The following CASQ2 variants were observed in gnomAD, a reference collection of about 807,000 sequenced individuals.
The protein encoded by CASQ2 is calsequestrin 2, also known as calsequestrin-2.
CASQ2 carries 49 observed loss-of-function variants against 46.5 expected under a neutral mutation model. The ratio of observed to expected loss-of-function variants is 1.05; its 90% CI spans 0.84 to 1.34. The LOEUF (loss-of-function observed/expected upper bound fraction) is 1.34. Ranked by LOEUF, CASQ2 falls within the 40% of genes most tolerant of loss-of-function variation. The pLI is 0.00. For missense variants in CASQ2, 486 were observed against 481.3 expected, an observed-to-expected ratio of 1.01 and a Z score of -0.09; for synonymous variants, 174 against 168.5, an observed-to-expected ratio of 1.03 and a Z score of -0.25.
chr1:115,755,040 C>T (rs1648712322), intron 1 of CASQ2, among the ~76,000 whole-genome samples: 1 of 152,222 alleles, frequency 6.6e-6, no homozygotes, highest in African/African-American at 2.4e-5. Flanking sequence ...CTGAGGCTGC[C>T]AGTCTCGGGC....
At chr1:115,707,245 G>A (rs1654394826) in intron 8 of CASQ2, among the ~76,000 whole-genome samples, 1 of 152,084 alleles carries the variant, frequency 6.6e-6, no homozygotes, top group African/African-American at 2.4e-5. Context: ...GCCCAGGTTG[G>A]TTTTGAACTC....
rs542634180 is a variant in CASQ2 at position 115,727,554 on chromosome 1, G to A, written c.607-432C>T. ...TTGATGGAGATCCTTAAGGCATATA[G>A]GTACTCAGAATCAGAACCCAACCCA... On this transcript the variant is annotated intron_variant, in intron 5 of 10. Coordinates refer to ENST00000261448, the MANE Select transcript of CASQ2 (RefSeq NM_001232.4). Among the ~76,000 whole-genome samples the A allele has an allele frequency of 3.9e-5, 6 of 152,322 alleles. No homozygotes were observed. In the East Asian group the frequency reaches 9.6e-4, roughly 24 times the overall value.
intron 1 of CASQ2, among the ~76,000 whole-genome samples, chr1:115,761,070 T>C (rs1648917347): frequency 6.6e-6 from 1 of 151,932 alleles, no homozygotes; most frequent in Non-Finnish European, 1.5e-5. Flanking sequence ...TAGGTCAGTG[T>C]AAAGAGGTGA....
At chr1:115,712,731 C>T (rs1187209008) in intron 8 of CASQ2, among the ~76,000 whole-genome samples, 2 of 151,890 alleles carry the variant, frequency 1.3e-5, no homozygotes, top group Admixed American at 1.3e-4. Context: ...TGGCCCATGC[C>T]TCTAATCCCA....
intron 6 of CASQ2, 60 bp from the exon 7 acceptor site, chr1:115,725,613 C>T (rs1647558137): frequency 1.2e-5 from 19 of 1,553,870 alleles, no homozygotes; most frequent in Non-Finnish European, 1.6e-5. Flanking sequence ...ATCACTGTGG[C>T]AGACACAGCA....
intron 1 of CASQ2, among the ~76,000 whole-genome samples, chr1:115,764,426 C>T (rs1312261909): frequency 6.6e-6 from 1 of 152,034 alleles, no homozygotes; most frequent in African/African-American, 2.4e-5. Flanking sequence ...AGAAATCTAC[C>T]AGAACATTAT....
intron 8 of CASQ2, among the ~76,000 whole-genome samples, chr1:115,717,071 C>T (rs994482856): frequency 6.6e-6 from 1 of 152,164 alleles, no homozygotes; most frequent in Non-Finnish European, 1.5e-5. Flanking sequence ...CCACCTTGGT[C>T]CTGCTCCTGC....
rs146664754 is a variant in CASQ2 at position 115,732,940 on chromosome 1, G to C, written c.567C>G (p.Phe189Leu). Reference sequence around the variant, plus strand: ...TGGCAAAGAATTTGATGTAAGGCTGGAAGTGTTCAGCTGCTTCTTCAAAAG... The same window carrying C: ...TGGCAAAGAATTTGATGTAAGGCTGCAAGTGTTCAGCTGCTTCTTCAAAAG... ...YKAFEEAAEH[F>L]QPYIKFFATF... Residue 189 changes from phenylalanine (F) to leucine (L), a missense_variant, in exon 5 of 11, where the codon TTC becomes TTG. Phe to Leu is a conservative substitution (Grantham distance 22). Coordinates refer to ENST00000261448, the MANE Select transcript of CASQ2 (RefSeq NM_001232.4). 7.5e-4 allele frequency: 1,213 copies of C among 1,613,870 alleles called. 3 individuals carry two copies. Among genetic ancestry groups the C allele is most frequent in the Middle Eastern group, 1.7e-3 (10 of 6,060 alleles).
rs1654666433 is a variant in CASQ2, at chr1:115,715,300, G to A, written c.838+2540C>T. 3.3e-5 allele frequency among the ~76,000 whole-genome samples: 5 copies of A among 152,218 alleles called. No individual in the cohort carries two copies. The South Asian group carries it at 1.0e-3, about 31-fold the overall frequency. ...GAGGTGGAGACAAGGGCTAGATCATGTTGAAAAGTGAAAAAGACAAGAGAG... is the reference window on the plus strand; with the variant it reads ...GAGGTGGAGACAAGGGCTAGATCATATTGAAAAGTGAAAAAGACAAGAGAG... On this transcript the variant is annotated intron_variant, in intron 8 of 10. Transcript: ENST00000261448.
intron 1 of CASQ2, among the ~76,000 whole-genome samples, chr1:115,767,921 C>A (rs531081183): frequency 2.6e-5 from 4 of 152,230 alleles, no homozygotes; most frequent in Non-Finnish European, 4.4e-5. Flanking sequence ...TTTGAGGGAG[C>A]AAAGTGGGCA....
chr1:115,730,410 A>G (rs1020402155), intron 5 of CASQ2, among the ~76,000 whole-genome samples: 2 of 152,188 alleles, frequency 1.3e-5, no homozygotes, highest in African/African-American at 4.8e-5. Context: ...TTTAAATTCT[A>G]AAGGGCAGGA....
In CASQ2 at chr1:115,732,911, A is replaced by G; in HGVS notation, c.596T>C (p.Phe199Ser). The G allele has an allele frequency of 6.2e-7, 1 of 1,612,954 alleles. No homozygotes were observed. ...FQPYIKFFAT[F>S]DKGVAKKLSL... ...TTCATAGGTACTTACCCCTTTGTCA[A>G]AGGTGGCAAAGAATTTGATGTAAGG... The change falls in exon 5 of 11, where the codon TTT (phenylalanine) becomes TCT (serine). Residue 199 changes from phenylalanine (F) to serine (S), a missense_variant. Coordinates refer to ENST00000261448, the MANE Select transcript of CASQ2 (RefSeq NM_001232.4).
At chr1:115,722,196 G>A (rs1028645762) in intron 7 of CASQ2, among the ~76,000 whole-genome samples, 1 of 152,194 alleles carries the variant, frequency 6.6e-6, no homozygotes, top group Non-Finnish European at 1.5e-5. Context: ...GGGAGGGAAG[G>A]AATAAACCAT....
intron 5 of CASQ2, among the ~76,000 whole-genome samples, chr1:115,727,908 G>A (rs1251963697): frequency 1.3e-5 from 2 of 152,236 alleles, no homozygotes; most frequent in African/African-American, 2.4e-5. Context: ...CACATGTTCA[G>A]TGTGTTGTCA....
intron 8 of CASQ2, among the ~76,000 whole-genome samples, chr1:115,710,992 A>C (rs935835292): frequency 6.6e-6 from 1 of 152,224 alleles, no homozygotes; most frequent in Non-Finnish European, 1.5e-5. Flanking sequence ...GGCCAGGCAC[A>C]GCCAAGTCAG....
rs1410785169 is a variant in CASQ2 at position 115,716,973 on chromosome 1, G to C, written c.838+867C>G. On this transcript the variant is annotated intron_variant, in intron 8 of 10. Transcript: ENST00000261448. ...CTGGTGGGAGATGATTGGATCGTGG[G>C]GGTGGTTTCTTATGATTTAACACCA... Among the ~76,000 whole-genome samples, 18 of 152,128 alleles carry C rather than the reference G, an allele frequency of 1.2e-4. 1 individual carries two copies. The highest frequency in any genetic ancestry group is 1.2e-3 in the Admixed American group (18 of 15,280).
chr1:115,724,730 C>T (rs985157647), intron 7 of CASQ2, among the ~76,000 whole-genome samples: 1 of 152,170 alleles, frequency 6.6e-6, no homozygotes, highest in Non-Finnish European at 1.5e-5. Context: ...TAAAAAACAG[C>T]TACCATATAG....
At chr1:115,736,782 T>C (rs1481700449) in intron 4 of CASQ2, among the ~76,000 whole-genome samples, 1 of 152,186 alleles carries the variant, frequency 6.6e-6, no homozygotes, top group East Asian at 1.9e-4. Flanking sequence ...GGCAAGTTAA[T>C]TGCACCTTTC....
rs375342018 is a variant in CASQ2 at position 115,742,047 on chromosome 1, TTTTG to T, written c.320-1223_320-1220del. On this transcript the variant is annotated intron_variant, in intron 2 of 10. Coordinates refer to ENST00000261448, the MANE Select transcript of CASQ2 (RefSeq NM_001232.4). ...AAAGGAGCAATGTGCCAGGTATTCT[TTTTG>T]TTTGTTTGTTTTTTGAGACAAGGTT... 4.1e-4 allele frequency among the ~76,000 whole-genome samples: 63 copies of T among 152,116 alleles called. 1 individual carries two copies. In the East Asian group the frequency reaches 9.7e-3, roughly 23 times the overall value.
Sources: allele counts gnomAD v4.1 joint callset (sites outside exome capture counted in the v4.1 genomes callset), GRCh38; gene constraint gnomAD v4.1.1; transcripts MANE v1.5; gene names NCBI Gene and HGNC (gene_info 2026-07-23, HGNC 2026-07-21).